Variants in NAV3 observed in about 807,000 individuals in gnomAD.
NAV3 encodes the protein neuron navigator 3, also known as pore membrane and/or filament interacting like protein 1.
Under a neutral mutation model 244.7 loss-of-function variants are expected in NAV3, and 87 were observed. That is an observed-to-expected ratio of 0.36 (90% CI 0.30 to 0.42). The LOEUF is 0.42. Among genes scored for constraint, NAV3 ranks in the 20% least tolerant of loss-of-function variants. The pLI, the probability that NAV3 is intolerant of heterozygous loss-of-function variation, is 1.00. For missense variants in NAV3, 2,663 were observed against 2,893.3 expected (o/e 0.92, Z 1.83); for synonymous variants, 1,126 against 1,042.2 (o/e 1.08, Z -1.55).
intron 39 of NAV3, among the ~76,000 whole-genome samples, chr12:78,206,560 C>T (rs896231824): frequency 3.9e-5 from 6 of 152,008 alleles, no homozygotes; most frequent in Non-Finnish European, 8.8e-5. Context: ...CACAACTTTC[C>T]CAATTCTCAT....
At chr12:77,719,027 C>T (rs1353792906) in intron 2 of NAV3, among the ~76,000 whole-genome samples, 1 of 152,036 alleles carries the variant, frequency 6.6e-6, no homozygotes, top group African/African-American at 2.4e-5. Context: ...ATGTACAAGT[C>T]TTTTCTTCCT....
At chr12:77,637,697 T>A (rs1157161991) in intron 2 of NAV3, among the ~76,000 whole-genome samples, 1 of 152,102 alleles carries the variant, frequency 6.6e-6, no homozygotes, top group Non-Finnish European at 1.5e-5. Flanking sequence ...AATTCCAGAG[T>A]CTATGCTAAA....
Position 77,736,915 on chromosome 12 carries a change from G to T in NAV3, c.72+164649G>T, listed in dbSNP as rs1354894517. ...GAGAATGGATTTCAGAACAAGACGAGAGACAATGAGATCAATTCAACAGTA... is the reference window on the plus strand; with the variant it reads ...GAGAATGGATTTCAGAACAAGACGATAGACAATGAGATCAATTCAACAGTA... On this transcript the variant is annotated intron_variant, in intron 2 of 8. Transcript: ENST00000550042. 2.0e-5 allele frequency among the ~76,000 whole-genome samples: 3 copies of T among 152,148 alleles called. No homozygotes were observed. The East Asian group carries it at 5.8e-4, about 29-fold the overall frequency.
intron 1 of NAV3, among the ~76,000 whole-genome samples, chr12:77,912,372 A>C (rs942979140): frequency 1.2e-4 from 18 of 152,114 alleles, no homozygotes; most frequent in African/African-American, 4.3e-4. Flanking sequence ...ATCTGACAAC[A>C]AAATATGGTA....
intron 3 of NAV3, among the ~76,000 whole-genome samples, chr12:77,953,050 A>G (rs1358375014): frequency 2.6e-5 from 4 of 152,136 alleles, no homozygotes; most frequent in African/African-American, 9.7e-5. Flanking sequence ...CTTCAGGTCA[A>G]TGAATACTGA....
At chr12:77,845,842 G>A (rs1003237215) in intron 1 of NAV3, among the ~76,000 whole-genome samples, 2 of 151,856 alleles carry the variant, frequency 1.3e-5, no homozygotes, top group Non-Finnish European at 2.9e-5. Flanking sequence ...TAGTAGAGAC[G>A]GGGTGTCTCC....
chr12:78,144,274 T>G (rs1380924273), intron 20 of NAV3, among the ~76,000 whole-genome samples: 1 of 152,182 alleles, frequency 6.6e-6, no homozygotes, highest in African/African-American at 2.4e-5. Context: ...AATTAATAAA[T>G]TTGAATGGAT....
At chr12:78,049,422 T>C (rs1232835856) in intron 9 of NAV3, among the ~76,000 whole-genome samples, 2 of 152,194 alleles carry the variant, frequency 1.3e-5, no homozygotes, top group East Asian at 3.9e-4. Context: ...GCTCCGTCCT[T>C]CAAGGCACAG....
intron 2 of NAV3, among the ~76,000 whole-genome samples, chr12:77,580,382 T>A (rs1869306180): frequency 6.6e-6 from 1 of 152,164 alleles, no homozygotes. Flanking sequence ...TAGTGGTTCA[T>A]TTAGGCCATG....
chr12:77,915,573 T>A (rs2370044), intron 1 of NAV3, among the ~76,000 whole-genome samples: 16,724 of 151,892 alleles, frequency 0.11, 1,044 homozygotes, highest in South Asian at 0.2. Context: ...ATCTAGATAG[T>A]ATATTATTAG....
chr12:77,638,115 CAT>C (rs1281892570), intron 2 of NAV3, among the ~76,000 whole-genome samples: 3 of 150,100 alleles, frequency 2.0e-5, no homozygotes, highest in African/African-American at 4.8e-5. Context: ...AATTGAGAAA[CAT>C]AGTGTAGCTA....
chr12:77,656,718 C>T (rs1192858342), intron 2 of NAV3, among the ~76,000 whole-genome samples: 2 of 148,886 alleles, frequency 1.3e-5, no homozygotes, highest in Non-Finnish European at 3.0e-5. Context: ...GTAAAGCTCT[C>T]CTCAGCAAAT....
At chr12:77,835,143 T>G (rs778990553) in intron 1 of NAV3, among the ~76,000 whole-genome samples, 2 of 152,254 alleles carry the variant, frequency 1.3e-5, no homozygotes, top group African/African-American at 2.4e-5. Flanking sequence ...CACCTCATAG[T>G]CTTGAGTAGA....
intron 3 of NAV3, among the ~76,000 whole-genome samples, chr12:77,955,311 C>G (rs538105950): frequency 6.6e-6 from 1 of 152,130 alleles, no homozygotes; most frequent in African/African-American, 2.4e-5. Flanking sequence ...GCGTTCACCT[C>G]GTACCACATC....
Position 77,765,926 on chromosome 12 carries a change from C to T in NAV3, c.73-174393C>T, listed in dbSNP as rs2280695. ...GAGGGAGTCGGTGGTGAAATTTGCA[C>T]GAGGGACATGAAACCAAGTGAGAAA... On this transcript the variant is annotated intron_variant, in intron 2 of 8. Transcript: ENST00000550042. Among the ~76,000 whole-genome samples, 969 of 151,832 alleles carry T rather than the reference C, an allele frequency of 6.4e-3. 26 individuals are homozygous for T. Among genetic ancestry groups the T allele is most frequent in the East Asian group, 0.013 (69 of 5,176 alleles).
At chr12:77,593,609 C>T (rs186529685) in intron 2 of NAV3, among the ~76,000 whole-genome samples, 207 of 148,738 alleles carry the variant, frequency 1.4e-3, no homozygotes, top group African/African-American at 4.9e-3. Context: ...GCCACCATGC[C>T]CAGCACCTGT....
rs1262162370 is a variant in NAV3 at position 78,148,835 on chromosome 12, C to A, written c.4708-7C>A. 1 of 1,609,448 alleles carries A rather than the reference C, an allele frequency of 6.2e-7. No homozygotes were observed. The highest frequency in any genetic ancestry group is 8.5e-7 in the Non-Finnish European group (1 of 1,177,624). On this transcript the variant is annotated splice_polypyrimidine_tract_variant and splice_region_variant and intron_variant, in intron 21 of 39. Transcript: ENST00000397909. ...CCTATTCCATTGATTTTTTTAATTG[C>A]ATTCAGCAAATCCATAAACTGCGGA...
intron 1 of NAV3, among the ~76,000 whole-genome samples, chr12:77,913,158 A>T (rs1486266181): frequency 6.6e-6 from 1 of 152,076 alleles, no homozygotes; most frequent in Admixed American, 6.6e-5. Context: ...TGTTACATAT[A>T]CGTGTACTTT....
At chr12:77,704,760 T>A (rs1301995241) in intron 2 of NAV3, among the ~76,000 whole-genome samples, 1 of 152,278 alleles carries the variant, frequency 6.6e-6, no homozygotes, top group East Asian at 1.9e-4. Context: ...TCTAAGTAGA[T>A]CAGAGAAGGC....
Sources: gnomAD v4.1 joint callset for allele counts (sites outside exome capture counted in the v4.1 genomes callset) on GRCh38, gnomAD v4.1.1 for gene constraint, MANE v1.5 for transcripts, NCBI Gene and HGNC (gene_info 2026-07-23, HGNC 2026-07-21) for gene names.